The following HP1BP3 variants were observed in gnomAD, a reference collection of about 807,000 sequenced individuals.
The protein encoded by HP1BP3 is heterochromatin protein 1 binding protein 3, also known as heterochromatin protein 1-binding protein 3.
In HP1BP3, 12 loss-of-function variants were observed where a neutral mutation model predicts 62.5. That is an observed-to-expected ratio of 0.19 (90% CI 0.12 to 0.31). The LOEUF (loss-of-function observed/expected upper bound fraction) is 0.31. HP1BP3 is among the 10% of genes least tolerant of loss of function. HP1BP3 has a pLI of 1.00. For synonymous variants in HP1BP3, 260 were observed against 237.8 expected (o/e 1.09, Z -0.86); for missense variants, 502 against 651.8 (o/e 0.77, Z 2.50).
intron 8 of HP1BP3, among the ~76,000 whole-genome samples, chr1:20,763,862 T>C (rs555528624): frequency 2.0e-5 from 3 of 152,368 alleles, no homozygotes; most frequent in Admixed American, 6.5e-5. Flanking sequence ...TCATGAAATA[T>C]ATATATGATG....
chr1:20,757,109 C>A, intron 9 of HP1BP3, 57 bp downstream of exon 9: 1 of 1,159,220 alleles, frequency 8.6e-7, no homozygotes, highest in South Asian at 1.3e-5. Context: ...ATAAGGAGGT[C>A]CTGAAACCAA....
At position 20,742,858 on chromosome 1, in the gene HP1BP3, C is replaced by A. The variant is rs2055122084; in HGVS notation, c.*1939G>T. ...TTCTCAAGTCCATTTCCCAGCCATA[C>A]TTTAGGCTACAGAAGGGATCCCAGG... On this transcript the variant is annotated 3_prime_UTR_variant, in exon 13 of 13. Transcript: ENST00000438032. 6.6e-6 allele frequency: 1 copy of A among 152,620 alleles called. No homozygotes were observed. 9.5% of individuals were successfully genotyped at this position (152,620 alleles called of 1,614,324 possible). A position where few individuals can be genotyped will look rare whatever the true frequency, so the allele number is the denominator to read the frequency against.
rs557369989 is a variant in HP1BP3, at chr1:20,749,713, C to T, written c.1141+10G>A. 8.1e-6 allele frequency: 13 copies of T among 1,605,268 alleles called. No homozygotes were observed. Among genetic ancestry groups the T allele is most frequent in the East Asian group, 2.2e-5 (1 of 44,752 alleles). ...CTAATCCCAGTTAAATATACACAAC[C>T]GAGTCTTACTTTGATAGTTAGAATT... On this transcript the variant is annotated intron_variant, in intron 10 of 12. Coordinates refer to ENST00000438032, the MANE Select transcript of HP1BP3 (RefSeq NM_001372052.1).
At chr1:20,778,671 T>C (rs139443839) in intron 3 of HP1BP3, among the ~76,000 whole-genome samples, 10 of 152,292 alleles carry the variant, frequency 6.6e-5, no homozygotes, top group East Asian at 1.9e-4. Flanking sequence ...AAATTGCTTA[T>C]AGCATTCATC....
intron 8 of HP1BP3, 39 bp downstream of exon 8, chr1:20,765,338 A>C (rs781781675): frequency 7.0e-7 from 1 of 1,434,684 alleles, no homozygotes; most frequent in Non-Finnish European, 9.5e-7. Flanking sequence ...TAAAGGAAGT[A>C]ACACATCATG....
intron 1 of HP1BP3, among the ~76,000 whole-genome samples, chr1:20,784,421 C>T (rs2057719352): frequency 6.6e-6 from 1 of 150,552 alleles, no homozygotes; most frequent in Non-Finnish European, 1.5e-5. Context: ...AATAGATGCT[C>T]AATTAATATT....
chr1:20,779,885 A>C lies in HP1BP3; in HGVS notation c.123T>G (p.Ile41Met), dbSNP rs780648876. 1 of 1,613,566 alleles carries C rather than the reference A, an allele frequency of 6.2e-7. No homozygotes were observed. The highest frequency in any genetic ancestry group is 1.3e-5 in the African/African-American group (1 of 75,018). The change falls in exon 3 of 13, where the codon ATT (isoleucine) becomes ATG (methionine). Residue 41 changes from isoleucine to methionine, a missense_variant. Physicochemically the swap from Ile to Met is conservative, Grantham distance 10. Around this residue, in one of 5 missense-constraint regions of HP1BP3, gnomAD observed 165 missense variants for 156.4 expected, o/e 1.05. Transcript: ENST00000438032. ...CCCGGGTAGAATTCACAGTTCGACG[A>C]ATCGGCATGGTGCTATCTTCTACCT... ...GEKVEDSTMPIRRTVNSTRET... is the reference protein window; with the variant it reads ...GEKVEDSTMPMRRTVNSTRET...
At chr1:20,752,947 GT>G (rs199580694) in intron 9 of HP1BP3, among the ~76,000 whole-genome samples, 50,039 of 147,752 alleles carry the variant, frequency 0.34, 8,753 homozygotes, top group Non-Finnish European at 0.4. Context: ...CTTGGAACAC[GT>G]TTTTTTTTTT....
At chr1:20,754,159 C>T (rs570208722) in intron 9 of HP1BP3, among the ~76,000 whole-genome samples, 1 of 152,074 alleles carries the variant, frequency 6.6e-6, no homozygotes, top group Non-Finnish European at 1.5e-5. Flanking sequence ...TCAGCAAGGG[C>T]GAAGGATACA....
intron 8 of HP1BP3, among the ~76,000 whole-genome samples, chr1:20,760,137 T>C (rs1004632929): frequency 6.6e-6 from 1 of 152,088 alleles, no homozygotes; most frequent in African/African-American, 2.4e-5. Context: ...TCCACCCGCC[T>C]CAGACTCCCA....
chr1:20,775,892 A>G, intron 4 of HP1BP3: 1 of 1,412,762 alleles, frequency 7.1e-7, no homozygotes, highest in Non-Finnish European at 9.4e-7. Flanking sequence ...TCGCCTAAAG[A>G]TGTATCTCTC....
intron 9 of HP1BP3, 60 bp downstream of exon 9, chr1:20,757,102 AGGAG>A: frequency 1.1e-6 from 1 of 952,278 alleles, no homozygotes; most frequent in Non-Finnish European, 1.7e-6. Flanking sequence ...TTACAGTATA[AGGAG>A]GTCCTGAAAC....
rs1225785315 is a variant in HP1BP3 at position 20,744,887 on chromosome 1, T to C, written c.1572A>G (p.Ser524=). Residue 524 remains serine, a synonymous_variant, in exon 13 of 13, where the codon TCA becomes TCG. Transcript: ENST00000438032. ...TVIKKPSGGS[S]KKPATSARKE... ...TTCTTGCACTGGTTGCAGGCTTCTT[T>C]GAGGAGCCACCACTAGGTTTCTTGA... 1.2e-6 allele frequency: 2 copies of C among 1,614,072 alleles called. No homozygotes were observed. Among genetic ancestry groups the C allele is most frequent in the Non-Finnish European group, 1.7e-6 (2 of 1,180,010 alleles).
chr1:20,749,715 A>C lies in HP1BP3; in HGVS notation c.1141+8T>G. On this transcript the variant is annotated splice_region_variant and intron_variant, in intron 10 of 12. Transcript: ENST00000438032. ...AATCCCAGTTAAATATACACAACCGAGTCTTACTTTGATAGTTAGAATTGG... is the reference window on the plus strand; with the variant it reads ...AATCCCAGTTAAATATACACAACCGCGTCTTACTTTGATAGTTAGAATTGG... 6.2e-7 allele frequency: 1 copy of C among 1,606,326 alleles called. No individual in the cohort carries two copies. The highest frequency in any genetic ancestry group is 8.5e-7 in the Non-Finnish European group (1 of 1,176,942).
Position 20,742,807 on chromosome 1 carries a change from T to C in HP1BP3, c.*1990A>G, listed in dbSNP as rs900128401. 1 of 152,660 alleles carries C rather than the reference T, an allele frequency of 6.6e-6. No individual in the cohort carries two copies. The highest frequency in any genetic ancestry group is 2.4e-5 in the African/African-American group (1 of 41,458). 9.5% of individuals were successfully genotyped at this position (152,660 alleles called of 1,614,324 possible). ...AATGAATTCATGATGGGATCACACA[T>C]GATTATGATCTAATTCAAGCCAATC... On this transcript the variant is annotated 3_prime_UTR_variant, in exon 13 of 13. Coordinates refer to ENST00000438032, the MANE Select transcript of HP1BP3 (RefSeq NM_001372052.1).
At chr1:20,757,884 G>A (rs956042409) in intron 8 of HP1BP3, among the ~76,000 whole-genome samples, 3 of 151,758 alleles carry the variant, frequency 2.0e-5, no homozygotes, top group African/African-American at 4.8e-5. Context: ...GGTGGCTCAC[G>A]CTTGTAATCC....
intron 3 of HP1BP3, among the ~76,000 whole-genome samples, chr1:20,778,646 TAGGCCAGGGTGCCCA>T (rs1389329271): frequency 0.036 from 5,411 of 152,254 alleles, 306 homozygotes; most frequent in African/African-American, 0.12. Context: ...TTAACTGCCT[TAGGCCAGGGTGCCCA>T]AATTGCTTAT....
At chr1:20,784,116 C>T (rs193085984) in intron 1 of HP1BP3, among the ~76,000 whole-genome samples, 3 of 151,886 alleles carry the variant, frequency 2.0e-5, no homozygotes, top group African/African-American at 7.3e-5. Flanking sequence ...ACTACAGGCA[C>T]GCACCGCCAT....
At chr1:20,762,400 A>C (rs925782888) in intron 8 of HP1BP3, among the ~76,000 whole-genome samples, 2 of 152,164 alleles carry the variant, frequency 1.3e-5, no homozygotes, top group Non-Finnish European at 2.9e-5. Context: ...AGTAGAGTAG[A>C]ACTACAAGAA....
Sources: gnomAD v4.1 joint callset for allele counts (sites outside exome capture counted in the v4.1 genomes callset) on GRCh38, gnomAD v4.1.1 for gene constraint, gnomAD v4.1.1 regional missense constraint, MANE v1.5 for transcripts, NCBI Gene and HGNC (gene_info 2026-07-23, HGNC 2026-07-21) for gene names.